PARD3: variants seen among roughly 807,000 people sequenced by gnomAD.
PARD3 encodes the protein partitioning defective 3 homolog.
In PARD3, 75 loss-of-function variants were observed where a neutral mutation model predicts 155.4. That is an observed-to-expected ratio of 0.48 (90% CI 0.40 to 0.58). The LOEUF is 0.58. PARD3 is among the 20% of genes least tolerant of loss of function. PARD3 has a pLI of 0.00. For synonymous variants in PARD3, 576 were observed against 610.5 expected (o/e 0.94, Z 0.83); for missense variants, 1,642 against 1,721.7 (o/e 0.95, Z 0.82).
rs751132560 is a variant in PARD3, at chr10:34,372,498, C to T, written c.1707G>A (p.Thr569=). ...ATCCTTCAAAAGACAAAGCTCTTACCGTTTCTTTTGGAATCTGCATCTGGC... is the reference window on the plus strand; with the variant it reads ...ATCCTTCAAAAGACAAAGCTCTTACTGTTTCTTTTGGAATCTGCATCTGGC... ...EPSQMQIPKE[T]KAEDEDIVLT... is the part of the protein sequence containing the mutation. Residue 569 remains threonine (T), a splice_region_variant and synonymous_variant, in exon 12 of 25, where the codon ACG becomes ACA. Transcript: ENST00000374788. 7.5e-6 allele frequency: 12 copies of T among 1,607,556 alleles called. No individual in the cohort carries two copies. The highest frequency in any genetic ancestry group is 2.2e-5 in the East Asian group (1 of 44,778).
chr10:34,772,792 TAAAAAAA>T (rs555582256), intron 1 of PARD3, among the ~76,000 whole-genome samples: 6 of 90,308 alleles, frequency 6.6e-5, no homozygotes, highest in African/African-American at 2.5e-4. Context: ...AGACTCCATC[TAAAAAAA>T]AAAAAAAAAA....
chr10:34,773,179 A>C (rs2134109279), intron 1 of PARD3, among the ~76,000 whole-genome samples: 1 of 152,352 alleles, frequency 6.6e-6, no homozygotes, highest in Admixed American at 6.5e-5. Flanking sequence ...AAAAGAGAAA[A>C]TACATCTATA....
chr10:34,447,409 A>G (rs1177012122), intron 5 of PARD3, among the ~76,000 whole-genome samples: 1 of 142,022 alleles, frequency 7.0e-6, no homozygotes, highest in Admixed American at 7.6e-5. Context: ...TGAACCCAGG[A>G]GGTAGAAGCT....
chr10:34,429,340 C>A (rs889454416), intron 5 of PARD3, among the ~76,000 whole-genome samples: 9 of 151,172 alleles, frequency 6.0e-5, no homozygotes, highest in African/African-American at 2.2e-4. Flanking sequence ...TGAATTTAAG[C>A]AAAACTTAAC....
chr10:34,280,532 A>G (rs1175614786), intron 21 of PARD3, among the ~76,000 whole-genome samples: 1 of 152,198 alleles, frequency 6.6e-6, no homozygotes, highest in Non-Finnish European at 1.5e-5. Flanking sequence ...AAAACTGAAA[A>G]AGGAGGAGCA....
At chr10:34,650,182 T>C (rs1462620522) in intron 2 of PARD3, among the ~76,000 whole-genome samples, 3 of 152,140 alleles carry the variant, frequency 2.0e-5, no homozygotes, top group East Asian at 1.9e-4. Context: ...GAGTCAAAGA[T>C]TGTCATGATC....
intron 19 of PARD3, among the ~76,000 whole-genome samples, chr10:34,329,402 C>T (rs1280033401): frequency 6.6e-6 from 1 of 152,008 alleles, no homozygotes; most frequent in Non-Finnish European, 1.5e-5. Flanking sequence ...TAAATATACA[C>T]CCAAGACAGA....
chr10:34,722,652 C>T (rs1021980381), intron 1 of PARD3, among the ~76,000 whole-genome samples: 2 of 152,184 alleles, frequency 1.3e-5, no homozygotes, highest in African/African-American at 4.8e-5. Flanking sequence ...AATCTTCTTG[C>T]CTATGCTCCG....
chr10:34,573,733 AAAAACACACACACACACACACACACACAC>A (rs2086647058), intron 2 of PARD3, among the ~76,000 whole-genome samples: 7 of 118,310 alleles, frequency 5.9e-5, no homozygotes, highest in African/African-American at 1.7e-4. Context: ...ACAAACAAAC[AAAAACACACACACACACACACACACACAC>A]ACACACACAC....
At chr10:34,426,173 AGGTAGGT>A (rs2075594264) in intron 5 of PARD3, among the ~76,000 whole-genome samples, 1 of 152,238 alleles carries the variant, frequency 6.6e-6, no homozygotes, top group Non-Finnish European at 1.5e-5. Context: ...ATCACTTACT[AGGTAGGT>A]AACATGCAAA....
chr10:34,731,153 G>T (rs769238517), intron 1 of PARD3, among the ~76,000 whole-genome samples: 1 of 151,970 alleles, frequency 6.6e-6, no homozygotes, highest in Non-Finnish European at 1.5e-5. Context: ...CCTTTATAAT[G>T]ATCTTCCAAA....
At chr10:34,483,470 A>G (rs148524481) in intron 3 of PARD3, among the ~76,000 whole-genome samples, 272 of 141,930 alleles carry the variant, frequency 1.9e-3, no homozygotes, top group African/African-American at 7.2e-3. Context: ...CGACAGAGTG[A>G]GACTCTGTCA....
chr10:34,802,128 A>G (rs374820096), intron 1 of PARD3, among the ~76,000 whole-genome samples: 90 of 152,332 alleles, frequency 5.9e-4, no homozygotes, highest in African/African-American at 2.1e-3. Flanking sequence ...TTAGGAAGTA[A>G]CAAGTAGAAA....
chr10:34,410,113 T>C (rs1844898786), intron 5 of PARD3, among the ~76,000 whole-genome samples: 1 of 152,158 alleles, frequency 6.6e-6, no homozygotes, highest in Admixed American at 6.6e-5. Context: ...CACCACCCTC[T>C]AGATAAATTT....
At chr10:34,332,745 C>CT (rs1206544528) in intron 18 of PARD3, among the ~76,000 whole-genome samples, 1 of 152,130 alleles carries the variant, frequency 6.6e-6, no homozygotes, top group Non-Finnish European at 1.5e-5. Flanking sequence ...TCATATTTAG[C>CT]TTTCTCAGTG....
At chr10:34,487,818 T>C (rs1273560257) in intron 3 of PARD3, among the ~76,000 whole-genome samples, 2 of 152,218 alleles carry the variant, frequency 1.3e-5, no homozygotes, top group South Asian at 2.1e-4. Context: ...TCAACAATCA[T>C]GTAATTAAAT....
intron 22 of PARD3, among the ~76,000 whole-genome samples, chr10:34,190,879 C>T (rs569072943): frequency 1.3e-5 from 2 of 152,044 alleles, no homozygotes; most frequent in African/African-American, 4.8e-5. Context: ...TGCAAAGGCA[C>T]AAAAATATAA....
intron 1 of PARD3, among the ~76,000 whole-genome samples, chr10:34,811,883 C>T (rs1447713953): frequency 2.0e-5 from 3 of 152,162 alleles, no homozygotes; most frequent in Non-Finnish European, 4.4e-5. Context: ...CTCATGAGAA[C>T]GGTCCATGTA....
intron 19 of PARD3, among the ~76,000 whole-genome samples, chr10:34,324,257 T>A (rs996351901): frequency 6.6e-6 from 1 of 152,244 alleles, no homozygotes; most frequent in African/African-American, 2.4e-5. Flanking sequence ...CAAAAGCGAA[T>A]GTTCTTACCT....
Sources: allele counts gnomAD v4.1 joint callset (sites outside exome capture counted in the v4.1 genomes callset), GRCh38; gene constraint gnomAD v4.1.1; transcripts MANE v1.5; gene names NCBI Gene and HGNC (gene_info 2026-07-23, HGNC 2026-07-21).